Variants in FBXO7 observed in about 807,000 individuals in gnomAD.
FBXO7 encodes F-box protein 7.
In FBXO7, 31 loss-of-function variants were observed where a neutral mutation model predicts 50.2. That is an observed-to-expected ratio of 0.62 (90% confidence interval 0.46 to 0.83). FBXO7 has a LOEUF of 0.83. FBXO7 is among the 40% of genes least tolerant of loss of function. FBXO7 has a pLI of 0.00. For missense variants in FBXO7, 667 were observed against 646.6 expected (o/e 1.03, Z -0.34); for synonymous variants, 256 against 253.1 (o/e 1.01, Z -0.11).
At chr22:32,491,344 T>C (rs1043217398) in intron 6 of FBXO7, 163 bp downstream of exon 6, 18 of 591,446 alleles carry the variant, frequency 3.0e-5, no homozygotes, top group Non-Finnish European at 5.1e-5. Flanking sequence ...ATTTACTTTA[T>C]CTTTGTATCT....
intron 6 of FBXO7, 50 bp downstream of exon 6, chr22:32,491,231 G>GT: frequency 7.6e-7 from 1 of 1,318,510 alleles, no homozygotes; most frequent in Non-Finnish European, 1.1e-6. Flanking sequence ...AGAATAGTAA[G>GT]TATACTTAAT....
In FBXO7 at chr22:32,474,906, C is replaced by T. The variant is rs531209490; in HGVS notation, c.-97C>T. ...CCCCTCAGCTCCGGTAGTCGCCAGT[C>T]CGGGGTCGTCGCCGTTTGGGGCGGG... On this transcript the variant is annotated 5_prime_UTR_variant, in exon 1 of 9. Coordinates refer to ENST00000266087, the MANE Select transcript of FBXO7 (RefSeq NM_012179.4). 16 of 1,258,328 alleles carry T rather than the reference C, an allele frequency of 1.3e-5. No homozygotes were observed. In the African/African-American group the frequency reaches 2.2e-4, roughly 17 times the overall value. The allele number at this position is 1,258,328 out of a possible 1,614,324, so 77.9% of individuals were successfully genotyped here.
chr22:32,490,213 C>T (rs1340198068), intron 5 of FBXO7: 4 of 152,194 alleles, frequency 2.6e-5, no homozygotes, highest in Admixed American at 6.5e-5. Flanking sequence ...ATTATAACAA[C>T]GCTTATCTGG....
chr22:32,493,141 T>C lies in FBXO7; in HGVS notation c.1004T>C (p.Leu335Pro). 6.2e-7 allele frequency: 1 copy of C among 1,614,190 alleles called. No individual in the cohort carries two copies. Among genetic ancestry groups the C allele is most frequent in the South Asian group, 1.1e-5 (1 of 91,090 alleles). The change falls in exon 7 of 9, where the codon CTC (leucine) becomes CCC (proline). Residue 335 changes from leucine to proline, a missense_variant. Coordinates refer to ENST00000266087, the MANE Select transcript of FBXO7 (RefSeq NM_012179.4). ...NLPDVFGLVVLPLELKLRIFR... is the reference protein window; with the variant it reads ...NLPDVFGLVVPPLELKLRIFR... ...CCAGATGTATTTGGGTTGGTCGTCC[T>C]CCCATTGGAACTGAAACTACGGATC...
At chr22:32,485,561 T>C (rs1219599087) in intron 4 of FBXO7, among the ~76,000 whole-genome samples, 2 of 152,174 alleles carry the variant, frequency 1.3e-5, no homozygotes, top group Non-Finnish European at 2.9e-5. Flanking sequence ...GAATACTTTT[T>C]CTTTATGCCT....
chr22:32,475,103 T>C lies in FBXO7; in HGVS notation c.101T>C (p.Leu34Pro). 1.3e-6 allele frequency: 2 copies of C among 1,544,506 alleles called. No individual in the cohort carries two copies. The highest frequency in any genetic ancestry group is 8.7e-7 in the Non-Finnish European group (1 of 1,145,100). ...TTGCGCTCGCACCTGAGGCAGTCCC[T>C]GCTGTGCACCTGGGGGTACAGGTAC... is the stretch of plus-strand genomic sequence containing the variant. ...GHLRSHLRQS[L>P]LCTWGYSSNT... Residue 34 changes from leucine (L) to proline (P), a missense_variant, in exon 1 of 9, where the codon CTG becomes CCG. Physicochemically the swap from Leu to Pro is moderately conservative, Grantham distance 98. Coordinates refer to ENST00000266087, the MANE Select transcript of FBXO7 (RefSeq NM_012179.4).
chr22:32,485,306 A>G, intron 4 of FBXO7, 97 bp downstream of exon 4: 5 of 1,460,838 alleles, frequency 3.4e-6, no homozygotes, highest in Non-Finnish European at 4.8e-6. Flanking sequence ...CTATCATGAT[A>G]CAGTTGTGAG....
At position 32,498,403 on chromosome 22, in the gene FBXO7, G is replaced by A. The variant is rs766854590; in HGVS notation, c.1442G>A (p.Arg481His). 9 of 1,614,160 alleles carry A rather than the reference G, an allele frequency of 5.6e-6. No homozygotes were observed. Among genetic ancestry groups the A allele is most frequent in the African/African-American group, 1.3e-5 (1 of 75,020 alleles). The change falls in exon 9 of 9, where the codon CGC (arginine) becomes CAC (histidine). Residue 481 changes from arginine to histidine, a missense_variant. By Grantham distance (29) the Arg-to-His change is conservative. Transcript: ENST00000266087. ...AGCCAGTTTCCTCCACTGAGACCAC[G>A]CTTTGATCCAGTTGGCCCACTTCCA... ...TPSQFPPLRP[R>H]FDPVGPLPGP...
intron 6 of FBXO7, chr22:32,492,190 T>C (rs1019359236): frequency 3.9e-5 from 6 of 152,234 alleles, no homozygotes; most frequent in African/African-American, 1.4e-4. Flanking sequence ...GTTTGACTTA[T>C]ATGAATAGAT....
At chr22:32,483,857 A>G in intron 2 of FBXO7, 40 bp from the exon 3 acceptor site, 2 of 1,559,948 alleles carry the variant, frequency 1.3e-6, no homozygotes, top group South Asian at 2.2e-5. Context: ...GTGTAAAAAT[A>G]AGTCTTTAAT....
intron 7 of FBXO7, among the ~76,000 whole-genome samples, chr22:32,493,775 G>T (rs1156512756): frequency 6.6e-6 from 1 of 151,942 alleles, no homozygotes; most frequent in African/African-American, 2.4e-5. Flanking sequence ...AAGCCTGATT[G>T]TGGAACTTTT....
At chr22:32,497,256 C>G (rs1027251173) in intron 8 of FBXO7, among the ~76,000 whole-genome samples, 4 of 152,222 alleles carry the variant, frequency 2.6e-5, no homozygotes, top group South Asian at 2.1e-4. Context: ...CACCCGTCAC[C>G]CAAGCAGTGT....
At chr22:32,485,398 T>C (rs1478321458) in intron 4 of FBXO7, among the ~76,000 whole-genome samples, 189 bp downstream of exon 4, 2 of 152,234 alleles carry the variant, frequency 1.3e-5, no homozygotes, top group Non-Finnish European at 2.9e-5. Context: ...TTGAGTTGTT[T>C]AGGCCAGCAC....
chr22:32,489,725 A>C (rs1264813638), intron 5 of FBXO7: 1 of 152,242 alleles, frequency 6.6e-6, no homozygotes, highest in African/African-American at 2.4e-5. Flanking sequence ...CTGTTAAATT[A>C]CAAGTTTATG....
At chr22:32,487,506 A>G in intron 4 of FBXO7, 1 of 413,716 alleles carries the variant, frequency 2.4e-6, no homozygotes, top group Non-Finnish European at 4.4e-6. Flanking sequence ...AGTGGATTTT[A>G]TATAAAGATG....
Position 32,496,518 on chromosome 22 carries a change from T to C in FBXO7, c.1182+988T>C, listed in dbSNP as rs372219089. ...AAAAAAACAACAAAAAAAGGAATTA[T>C]GCTAAATCTGTGCCTTTGCTCTGTA... On this transcript the variant is annotated intron_variant, in intron 8 of 8. Coordinates refer to ENST00000266087, the MANE Select transcript of FBXO7 (RefSeq NM_012179.4). 2.1e-4 allele frequency among the ~76,000 whole-genome samples: 32 copies of C among 152,224 alleles called. No homozygotes were observed. The East Asian group carries it at 4.3e-3, about 20-fold the overall frequency.
At chr22:32,480,965 C>T (rs1295822165) in intron 2 of FBXO7, among the ~76,000 whole-genome samples, 1 of 152,180 alleles carries the variant, frequency 6.6e-6, no homozygotes, top group Non-Finnish European at 1.5e-5. Context: ...CGTGCCTGGC[C>T]TTTATCCGCC....
chr22:32,496,479 C>T (rs960522170), intron 8 of FBXO7, among the ~76,000 whole-genome samples: 2 of 151,968 alleles, frequency 1.3e-5, no homozygotes, highest in African/African-American at 4.8e-5. Context: ...GAGACTCTGT[C>T]TCAAAAAACA....
rs367584088 is a variant in FBXO7 at position 32,485,058 on chromosome 22, C to A, written c.646-10C>A. 1 of 1,613,858 alleles carries A rather than the reference C, an allele frequency of 6.2e-7. No individual in the cohort carries two copies. The highest frequency in any genetic ancestry group is 8.5e-7 in the Non-Finnish European group (1 of 1,179,940). ...TTCATTATTTGTTTCCCTTTCATTT[C>A]GTTCCCCAGGGCACCGAAGCCAAAG... On this transcript the variant is annotated splice_polypyrimidine_tract_variant and intron_variant, in intron 3 of 8. Coordinates refer to ENST00000266087, the MANE Select transcript of FBXO7 (RefSeq NM_012179.4).
Sources: allele counts gnomAD v4.1 joint callset (sites outside exome capture counted in the v4.1 genomes callset), GRCh38; gene constraint gnomAD v4.1.1; transcripts MANE v1.5; gene names NCBI Gene and HGNC (gene_info 2026-07-23, HGNC 2026-07-21).